The following DGKB variants were observed in gnomAD, a reference collection of about 807,000 sequenced individuals.
DGKB encodes diacylglycerol kinase beta, also known as 90 kDa diacylglycerol kinase.
Under a neutral mutation model 114.3 loss-of-function variants are expected in DGKB, and 67 were observed. That is an observed-to-expected ratio of 0.59 (90% CI 0.48 to 0.72). The LOEUF (loss-of-function observed/expected upper bound fraction) is 0.72. DGKB is among the 30% of genes least tolerant of loss of function. The probability of loss-of-function intolerance (pLI) is 0.00; values close to 1 mark genes in which losing one functional copy is unlikely to be tolerated. For synonymous variants in DGKB, 398 were observed against 323.1 expected (o/e 1.23, Z -2.49); for missense variants, 907 against 975.2 (o/e 0.93, Z 0.93).
chr7:14,211,163 T>C (rs1162852039), intron 23 of DGKB, among the ~76,000 whole-genome samples: 4 of 152,096 alleles, frequency 2.6e-5, no homozygotes, highest in African/African-American at 9.7e-5. Flanking sequence ...ATCATATAAA[T>C]TGTATAGGTC....
chr7:14,188,367 AG>A (rs1021079134), intron 23 of DGKB, among the ~76,000 whole-genome samples: 2 of 149,714 alleles, frequency 1.3e-5, no homozygotes, highest in African/African-American at 4.9e-5. Flanking sequence ...GGAAGTTAAA[AG>A]ATCCCCAATT....
At chr7:14,739,772 C>T (rs1023823845) in intron 4 of DGKB, among the ~76,000 whole-genome samples, 2 of 152,180 alleles carry the variant, frequency 1.3e-5, no homozygotes, top group Non-Finnish European at 2.9e-5. Context: ...TTGGGAATGT[C>T]GGCCTCAGTC....
At chr7:14,155,011 C>T (rs1272799787) in intron 25 of DGKB, among the ~76,000 whole-genome samples, 4 of 152,046 alleles carry the variant, frequency 2.6e-5, no homozygotes, top group African/African-American at 9.7e-5. Context: ...AATGCAGACT[C>T]CCCGGTCCCA....
chr7:14,946,233 T>C (rs547094316), intron 1 of DGKB, among the ~76,000 whole-genome samples: 2 of 151,800 alleles, frequency 1.3e-5, no homozygotes, highest in African/African-American at 4.8e-5. Context: ...TTTGTGCTTT[T>C]GGTTTTTCAC....
chr7:14,540,624 T>C (rs545826340), intron 20 of DGKB, among the ~76,000 whole-genome samples: 3 of 151,918 alleles, frequency 2.0e-5, no homozygotes, highest in African/African-American at 7.2e-5. Flanking sequence ...ATTGGTAATA[T>C]AGTTTAGTTT....
At chr7:14,220,569 C>A (rs1789773144) in intron 23 of DGKB, among the ~76,000 whole-genome samples, 1 of 151,438 alleles carries the variant, frequency 6.6e-6, no homozygotes. Context: ...GATACTCCAA[C>A]TTTGTTAATC....
chr7:14,472,462 C>T (rs939385392), intron 21 of DGKB, among the ~76,000 whole-genome samples: 1 of 152,162 alleles, frequency 6.6e-6, no homozygotes, highest in Non-Finnish European at 1.5e-5. Flanking sequence ...GTCCAATAAA[C>T]CTTTCTTTTG....
At chr7:14,748,204 A>C (rs1833634038) in intron 4 of DGKB, among the ~76,000 whole-genome samples, 1 of 152,232 alleles carries the variant, frequency 6.6e-6, no homozygotes, top group South Asian at 2.1e-4. Flanking sequence ...TGTTACTAGA[A>C]CACACAAAAT....
At chr7:14,471,230 G>T (rs1314997322) in intron 21 of DGKB, among the ~76,000 whole-genome samples, 1 of 107,204 alleles carries the variant, frequency 9.3e-6, no homozygotes, top group Non-Finnish European at 1.8e-5. Flanking sequence ...ATATATGTAT[G>T]GAATATATGT....
chr7:14,921,390 A>G (rs945699179), intron 1 of DGKB, among the ~76,000 whole-genome samples: 18 of 152,170 alleles, frequency 1.2e-4, no homozygotes, highest in Non-Finnish European at 5.9e-5. Context: ...CAAAGGTAAT[A>G]TTGTCCTAAA....
intron 1 of DGKB, among the ~76,000 whole-genome samples, chr7:14,871,342 C>T (rs1036694884): frequency 1.3e-5 from 2 of 152,058 alleles, no homozygotes; most frequent in Admixed American, 1.3e-4. Flanking sequence ...CAATAGGTCA[C>T]CAGAACTCAT....
intron 20 of DGKB, among the ~76,000 whole-genome samples, chr7:14,561,423 G>A (rs993080105): frequency 6.6e-6 from 1 of 152,166 alleles, no homozygotes; most frequent in Non-Finnish European, 1.5e-5. Context: ...AGAGTGGCGT[G>A]CTGTTTTAAA....
intron 23 of DGKB, among the ~76,000 whole-genome samples, chr7:14,245,694 G>A (rs1050652551): frequency 2.0e-5 from 3 of 152,134 alleles, no homozygotes; most frequent in African/African-American, 4.8e-5. Flanking sequence ...TTGGGAGGCC[G>A]AGGTGAGTGG....
chr7:14,457,528 T>A (rs1431521), intron 21 of DGKB, among the ~76,000 whole-genome samples: 81,791 of 152,094 alleles, frequency 0.54, 22,712 homozygotes, highest in African/African-American at 0.67. Context: ...ATAAAAAAGA[T>A]TTTTTTAAAG....
intron 1 of DGKB, among the ~76,000 whole-genome samples, chr7:14,847,186 G>T (rs1442389036): frequency 6.6e-6 from 1 of 151,608 alleles, no homozygotes; most frequent in Non-Finnish European, 1.5e-5. Context: ...AGCTACTCGG[G>T]AGGCTGAGGC....
At chr7:14,503,280 A>G (rs958678870) in intron 20 of DGKB, among the ~76,000 whole-genome samples, 18 of 152,034 alleles carry the variant, frequency 1.2e-4, no homozygotes, top group Admixed American at 7.9e-4. Flanking sequence ...TTATTCTTAA[A>G]ACTCTTTTGA....
chr7:14,278,462 C>T (rs1383630860), intron 23 of DGKB, among the ~76,000 whole-genome samples: 2 of 151,970 alleles, frequency 1.3e-5, no homozygotes, highest in Admixed American at 1.3e-4. Context: ...GAAACTTGAT[C>T]CCTATCTCAT....
Position 14,156,098 on chromosome 7 carries a change from G to C in DGKB, c.2305-6860C>G, listed in dbSNP as rs78726632. Among the ~76,000 whole-genome samples the C allele has an allele frequency of 7.5e-3, 1,135 of 152,188 alleles. 7 individuals are homozygous for C. The highest frequency in any genetic ancestry group is 0.012 in the Non-Finnish European group (832 of 68,006). On this transcript the variant is annotated intron_variant, in intron 25 of 25. Transcript: ENST00000402815. ...AGAGGTAGGAGAAAAACTGAAAGAA[G>C]TGCTATCATATAAACATTTCCAATC...
intron 13 of DGKB, among the ~76,000 whole-genome samples, chr7:14,640,420 T>A (rs554132649): frequency 1.3e-5 from 2 of 152,314 alleles, no homozygotes; most frequent in East Asian, 3.9e-4. Flanking sequence ...GAGAGTAATG[T>A]AATGAAGAAT....
Sources: allele counts gnomAD v4.1 joint callset (sites outside exome capture counted in the v4.1 genomes callset), GRCh38; gene constraint gnomAD v4.1.1; transcripts MANE v1.5; gene names NCBI Gene and HGNC (gene_info 2026-07-23, HGNC 2026-07-21).